LINGO2: variants seen among roughly 807,000 people sequenced by gnomAD.
LINGO2 encodes the protein leucine-rich repeat and immunoglobulin-like domain-containing nogo receptor-interacting protein 2.
Under a neutral mutation model 30.6 loss-of-function variants are expected in LINGO2, and 14 were observed. That is an observed-to-expected ratio of 0.46 (90% confidence interval 0.30 to 0.72). LINGO2 has a LOEUF of 0.72. Ranked by LOEUF, LINGO2 falls within the 30% of genes least tolerant of loss-of-function variation. LINGO2 has a pLI of 0.07. For missense variants in LINGO2, 729 were observed against 751.7 expected (o/e 0.97, Z 0.35); for synonymous variants, 317 against 288.5 (o/e 1.10, Z -1.00).
intron 4 of LINGO2, among the ~76,000 whole-genome samples, chr9:28,194,775 C>T (rs10968377): frequency 0.22 from 33,242 of 151,506 alleles, 3,884 homozygotes; most frequent in Middle Eastern, 0.38. Context: ...ATTAATTAAG[C>T]TAAAAATAAT....
intron 4 of LINGO2, among the ~76,000 whole-genome samples, chr9:28,251,852 C>T (rs1822212635): frequency 1.3e-5 from 2 of 152,156 alleles, no homozygotes; most frequent in African/African-American, 4.8e-5. Flanking sequence ...ACATAGCAAT[C>T]CTACATATGT....
At position 28,057,684 on chromosome 9, in the gene LINGO2, A is replaced by G. The variant is rs1201364478; in HGVS notation, c.-86-45279T>C. On this transcript the variant is annotated intron_variant, in intron 4 of 5. Coordinates refer to ENST00000379992, the Ensembl canonical transcript of LINGO2. Reference sequence around the variant, plus strand: ...GAAACCTCTCTTCTTCATCCACTTTACAAGGTAACATGGTAGAAGATCAAG... The same window carrying G: ...GAAACCTCTCTTCTTCATCCACTTTGCAAGGTAACATGGTAGAAGATCAAG... Among the ~76,000 whole-genome samples the G allele has an allele frequency of 2.5e-5, 3 of 120,456 alleles. 1 individual carries two copies. The highest frequency in any genetic ancestry group is 9.0e-5 in the African/African-American group (3 of 33,376). 79.0% of individuals were successfully genotyped at this position (120,456 alleles called of 152,430 possible). A position where few individuals can be genotyped will look rare whatever the true frequency, so the allele number is the denominator to read the frequency against.
the LINGO2 span, among the ~76,000 whole-genome samples, chr9:29,040,589 TATC>T: frequency 6.6e-6 from 1 of 151,360 alleles, no homozygotes; most frequent in Non-Finnish European, 1.5e-5. Context: ...GATACATAAT[TATC>T]ATATAATTTC....
At chr9:28,921,080 G>A in the LINGO2 span, among the ~76,000 whole-genome samples, 28 of 152,158 alleles carry the variant, frequency 1.8e-4, no homozygotes, top group East Asian at 3.1e-3. Flanking sequence ...TGACACATGC[G>A]GGAATGGAAA....
In LINGO2 at chr9:27,997,674, A is replaced by G. The variant is rs1340984887; in HGVS notation, c.-36+14681T>C. On this transcript the variant is annotated intron_variant, in intron 5 of 5. Transcript: ENST00000379992. The stretch of plus-strand genomic sequence containing the variant: ...TTGCACTCTGTATCAGGCTGAAATT[A>G]AGCCATCTTGGGTTTACCCACAATG... 2.0e-5 allele frequency among the ~76,000 whole-genome samples: 3 copies of G among 152,336 alleles called. No homozygotes were observed. In the South Asian group the frequency reaches 6.2e-4, roughly 32 times the overall value.
chr9:28,012,072 A>G (rs1259044889), intron 5 of LINGO2, among the ~76,000 whole-genome samples: 3 of 151,966 alleles, frequency 2.0e-5, no homozygotes, highest in Non-Finnish European at 4.4e-5. Context: ...GTACAATCCC[A>G]CCTTTATTTT....
chr9:28,410,446 T>A (rs989656841), intron 2 of LINGO2, among the ~76,000 whole-genome samples: 2 of 152,202 alleles, frequency 1.3e-5, no homozygotes, highest in Admixed American at 6.6e-5. Context: ...GTTCCCCTGC[T>A]CCCCTAAACC....
At chr9:28,409,300 C>T (rs918008576) in intron 2 of LINGO2, among the ~76,000 whole-genome samples, 4 of 152,074 alleles carry the variant, frequency 2.6e-5, no homozygotes, top group Non-Finnish European at 2.9e-5. Context: ...CTTTCAGAAA[C>T]AAAAGCCAAC....
the LINGO2 span, among the ~76,000 whole-genome samples, chr9:28,962,655 C>G: frequency 6.6e-6 from 1 of 151,690 alleles, no homozygotes; most frequent in African/African-American, 2.4e-5. Flanking sequence ...ATAGTAAGTA[C>G]CCATATACCA....
At chr9:28,521,740 T>A (rs1820836367) in intron 1 of LINGO2, among the ~76,000 whole-genome samples, 1 of 152,194 alleles carries the variant, frequency 6.6e-6, no homozygotes, top group Non-Finnish European at 1.5e-5. Context: ...TGAACATAGC[T>A]TCTTTGCAGA....
chr9:28,992,728 C>A, the LINGO2 span, among the ~76,000 whole-genome samples: 2 of 152,082 alleles, frequency 1.3e-5, no homozygotes, highest in African/African-American at 2.4e-5. Flanking sequence ...AACCACTCAA[C>A]TACATGGAAA....
chr9:28,987,106 G>T, the LINGO2 span, among the ~76,000 whole-genome samples: 4 of 145,908 alleles, frequency 2.7e-5, no homozygotes, highest in South Asian at 6.4e-4. Context: ...AGTCTTTAGG[G>T]TTTTCTATAT....
chr9:28,006,122 C>A (rs1198828815), intron 5 of LINGO2, among the ~76,000 whole-genome samples: 2 of 151,824 alleles, frequency 1.3e-5, no homozygotes, highest in Admixed American at 6.6e-5. Flanking sequence ...GCTTTGCTAC[C>A]CATGCAAAGC....
chr9:29,125,678 T>G, the LINGO2 span, among the ~76,000 whole-genome samples: 2 of 152,272 alleles, frequency 1.3e-5, no homozygotes, highest in East Asian at 3.9e-4. Context: ...TGAAATTTCT[T>G]ACAGTTACTA....
At chr9:28,538,498 A>C (rs1204131629) in intron 1 of LINGO2, among the ~76,000 whole-genome samples, 1 of 152,144 alleles carries the variant, frequency 6.6e-6, no homozygotes, top group Non-Finnish European at 1.5e-5. Flanking sequence ...ATTTTAAATT[A>C]ATAGAATAAA....
the LINGO2 span, among the ~76,000 whole-genome samples, chr9:29,008,397 G>A: frequency 6.6e-6 from 1 of 152,198 alleles, no homozygotes. Context: ...ACACGTGGAT[G>A]TGTCTTTATA....
chr9:28,351,243 A>G (rs1260570402), intron 3 of LINGO2, among the ~76,000 whole-genome samples: 2 of 148,100 alleles, frequency 1.4e-5, no homozygotes, highest in Non-Finnish European at 3.0e-5. Flanking sequence ...CAAAATTGAT[A>G]GACCGCTAGC....
At chr9:28,483,740 C>T (rs1019147631) in intron 1 of LINGO2, among the ~76,000 whole-genome samples, 2 of 151,940 alleles carry the variant, frequency 1.3e-5, no homozygotes, top group Non-Finnish European at 2.9e-5. Flanking sequence ...TATTCTAAAA[C>T]TTATGGCACA....
At chr9:28,320,297 C>T (rs1287877972) in intron 3 of LINGO2, among the ~76,000 whole-genome samples, 1 of 152,086 alleles carries the variant, frequency 6.6e-6, no homozygotes, top group Non-Finnish European at 1.5e-5. Flanking sequence ...AAGCTCCAGT[C>T]CACTACTCTT....
Sources: allele counts gnomAD v4.1 joint callset (sites outside exome capture counted in the v4.1 genomes callset), GRCh38; gene constraint gnomAD v4.1.1; transcripts MANE v1.5; gene names NCBI Gene and HGNC (gene_info 2026-07-23, HGNC 2026-07-21).